Variants in SCLT1 observed in about 807,000 individuals in gnomAD.
SCLT1 encodes the protein sodium channel-associated protein 1.
Under a neutral mutation model 112.8 loss-of-function variants are expected in SCLT1, and 78 were observed. That is an observed-to-expected ratio of 0.69 (90% confidence interval 0.58 to 0.83). SCLT1 has a LOEUF of 0.83. SCLT1 is among the 40% of genes least tolerant of loss of function. SCLT1 has a pLI of 0.00. For synonymous variants in SCLT1, 257 were observed against 254.7 expected, an observed-to-expected ratio of 1.01 and a Z score of -0.09; for missense variants, 747 against 770.4, an observed-to-expected ratio of 0.97 and a Z score of 0.36.
At chr4:128,966,504 A>T (rs1357563805) in intron 10 of SCLT1, among the ~76,000 whole-genome samples, 1 of 152,174 alleles carries the variant, frequency 6.6e-6, no homozygotes, top group Non-Finnish European at 1.5e-5. Context: ...CAAACCCATC[A>T]AATACGGTGT....
chr4:128,981,365 A>G (rs765461818), intron 9 of SCLT1, among the ~76,000 whole-genome samples: 1 of 152,214 alleles, frequency 6.6e-6, no homozygotes, highest in Non-Finnish European at 1.5e-5. Context: ...TTAGGATAAG[A>G]GGGGCTGGAA....
intron 11 of SCLT1, among the ~76,000 whole-genome samples, chr4:128,965,002 A>T (rs1289327339): frequency 6.6e-6 from 1 of 152,218 alleles, no homozygotes; most frequent in Non-Finnish European, 1.5e-5. Context: ...AAGGTTCTAA[A>T]ATCATATTAA....
chr4:129,037,852 AC>A (rs1747319324), intron 5 of SCLT1: 2 of 152,176 alleles, frequency 1.3e-5, no homozygotes, highest in Admixed American at 1.3e-4. Context: ...AGAAAAGAAA[AC>A]CACATAGGTA....
At position 129,040,343 on chromosome 4, in the gene SCLT1, G is replaced by C. The variant is rs1189789714; in HGVS notation, c.235-1247C>G. The C allele has an allele frequency of 3.4e-5, 20 of 595,392 alleles. No individual in the cohort carries two copies. The East Asian group carries it at 5.3e-4, about 16-fold the overall frequency. The allele number at this position is 595,392 out of a possible 1,614,324, so 36.9% of individuals were successfully genotyped here. On this transcript the variant is annotated intron_variant, in intron 4 of 20. Transcript: ENST00000281142. The stretch of plus-strand genomic sequence containing the variant: ...GGGTTTTAAGAATGCCATGGCAAGA[G>C]GTTTGGATTTATTGTAGCCATTATC...
rs1410556146 is a variant in SCLT1, at chr4:128,943,040, A to T, written c.1588T>A (p.Leu530Ile). 1.2e-6 allele frequency: 2 copies of T among 1,612,846 alleles called. No homozygotes were observed. Among genetic ancestry groups the T allele is most frequent in the Admixed American group, 1.7e-5 (1 of 59,918 alleles). The change falls in exon 17 of 21, where the codon TTA (leucine) becomes ATA (isoleucine). Residue 530 changes from leucine to isoleucine, a missense_variant. Physicochemically the swap from Leu to Ile is conservative, Grantham distance 5. Coordinates refer to ENST00000281142, the MANE Select transcript of SCLT1 (RefSeq NM_144643.4). Reference sequence around the variant, plus strand: ...TGAGCCTCCAGGGCAATCTTCCTTAAACTCTCAGTCTCTTTCCGTAACTGT... The same window carrying T: ...TGAGCCTCCAGGGCAATCTTCCTTATACTCTCAGTCTCTTTCCGTAACTGT... Reference protein sequence around the residue: ...NKQLRKETESLRKIALEAQKK... With the variant: ...NKQLRKETESIRKIALEAQKK...
At chr4:128,885,051 C>G (rs568771603) in intron 20 of SCLT1, among the ~76,000 whole-genome samples, 1 of 152,124 alleles carries the variant, frequency 6.6e-6, no homozygotes, top group African/African-American at 2.4e-5. Context: ...CAGGGTGATA[C>G]GCTTAGAATT....
At chr4:129,008,415 G>A (rs965690556) in intron 5 of SCLT1, among the ~76,000 whole-genome samples, 2 of 152,102 alleles carry the variant, frequency 1.3e-5, no homozygotes, top group African/African-American at 4.8e-5. Flanking sequence ...TTCCTTTGAG[G>A]ATAATCTCTG....
intron 5 of SCLT1, among the ~76,000 whole-genome samples, chr4:129,006,093 C>G (rs1360293397): frequency 3.3e-5 from 5 of 150,964 alleles, no homozygotes; most frequent in Admixed American, 6.6e-5. Context: ...GTGCAGCACA[C>G]CAGCATGGCA....
At chr4:128,915,514 C>G (rs1469679899) in intron 18 of SCLT1, among the ~76,000 whole-genome samples, 1 of 152,112 alleles carries the variant, frequency 6.6e-6, no homozygotes, top group Non-Finnish European at 1.5e-5. Flanking sequence ...AGATGAGAAA[C>G]AAGTTTCATT....
chr4:128,939,651 C>A (rs1457111665), intron 17 of SCLT1, among the ~76,000 whole-genome samples: 1 of 151,986 alleles, frequency 6.6e-6, no homozygotes, highest in East Asian at 1.9e-4. Flanking sequence ...GAATTTAGAC[C>A]ATGAAGAAAT....
At chr4:129,079,793 T>C (rs1219120260) in intron 2 of SCLT1, among the ~76,000 whole-genome samples, 2 of 152,228 alleles carry the variant, frequency 1.3e-5, no homozygotes, top group African/African-American at 4.8e-5. Flanking sequence ...CTAGCAGAGG[T>C]TCTCCATGAG....
chr4:129,088,270 A>G (rs1752563788), intron 1 of SCLT1, among the ~76,000 whole-genome samples: 1 of 152,220 alleles, frequency 6.6e-6, no homozygotes, highest in East Asian at 1.9e-4. Flanking sequence ...AAAAAATGAA[A>G]AAATATCTTT....
chr4:128,931,972 G>T (rs1736811368), intron 18 of SCLT1, among the ~76,000 whole-genome samples: 4 of 146,488 alleles, frequency 2.7e-5, no homozygotes, highest in Admixed American at 6.8e-5. Context: ...AACAATTATA[G>T]CCCATCTGGT....
In SCLT1 at chr4:128,969,572, AAAAAT is replaced by A. The variant is rs748878885; in HGVS notation, c.777+801_777+805del. Reference sequence around the variant, plus strand: ...GGGTGACACAGCGAGACTCTGACTCAAAAATAAAATAAAATAAAATAAAATAAATT... The same window carrying A: ...GGGTGACACAGCGAGACTCTGACTCAAAAATAAAATAAAATAAAATAAATT... On this transcript the variant is annotated intron_variant, in intron 10 of 20. Transcript: ENST00000281142. Among the ~76,000 whole-genome samples, 3 of 151,944 alleles carry A rather than the reference AAAAAT, an allele frequency of 2.0e-5. No individual in the cohort carries two copies. The South Asian group carries it at 6.2e-4, about 32-fold the overall frequency.
intron 18 of SCLT1, among the ~76,000 whole-genome samples, chr4:128,921,010 T>C (rs926253423): frequency 6.6e-6 from 1 of 152,056 alleles, no homozygotes; most frequent in African/African-American, 2.4e-5. Flanking sequence ...TATACATCAG[T>C]GACATCTAAG....
intron 9 of SCLT1, among the ~76,000 whole-genome samples, chr4:128,981,372 G>A (rs1383548640): frequency 6.6e-6 from 1 of 152,124 alleles, no homozygotes; most frequent in Non-Finnish European, 1.5e-5. Context: ...AAGAGGGGCT[G>A]GAATTCTAAA....
chr4:129,069,565 T>C (rs1251305794), intron 2 of SCLT1, among the ~76,000 whole-genome samples: 1 of 152,146 alleles, frequency 6.6e-6, no homozygotes, highest in Admixed American at 6.6e-5. Context: ...TCTGCTTGGT[T>C]GCTGTATAGA....
intron 9 of SCLT1, 35 bp from the exon 10 acceptor site, chr4:128,970,503 C>A: frequency 9.3e-7 from 1 of 1,076,596 alleles, no homozygotes; most frequent in South Asian, 1.3e-5. Flanking sequence ...ACACTGTTTT[C>A]ATAGACCACT....
At chr4:128,927,930 C>T (rs1032300135) in intron 18 of SCLT1, among the ~76,000 whole-genome samples, 2 of 151,902 alleles carry the variant, frequency 1.3e-5, no homozygotes, top group East Asian at 1.9e-4. Flanking sequence ...GGAAGTATTA[C>T]AGATGCTGCA....
Sources: allele counts gnomAD v4.1 joint callset (sites outside exome capture counted in the v4.1 genomes callset), GRCh38; gene constraint gnomAD v4.1.1; transcripts MANE v1.5; gene names NCBI Gene and HGNC (gene_info 2026-07-23, HGNC 2026-07-21).